The following STARD9 variants were observed in gnomAD, a reference collection of about 807,000 sequenced individuals.
STARD9 encodes the protein StAR related lipid transfer domain containing 9, also known as stAR-related lipid transfer protein 9.
A neutral mutation model predicts 399.8 loss-of-function variants in STARD9; 346 were observed. The observed-to-expected ratio is 0.87, with a 90% CI of 0.79 to 0.95. STARD9 has a LOEUF of 0.95. Among genes scored for constraint, STARD9 ranks in the 40% least tolerant of loss-of-function variants. STARD9 has a pLI of 0.00. For missense variants in STARD9, 5,832 were observed against 5,667.5 expected, an observed-to-expected ratio of 1.03 and a Z score of -0.93; for synonymous variants, 2,203 against 2,143.5, an observed-to-expected ratio of 1.03 and a Z score of -0.77.
intron 2 of STARD9, among the ~76,000 whole-genome samples, chr15:42,584,301 G>A (rs2058230134): frequency 6.6e-6 from 1 of 152,060 alleles, no homozygotes; most frequent in South Asian, 2.1e-4. Flanking sequence ...AAAACAATGG[G>A]GACCTACCAG....
rs1264901508 is a variant in STARD9, at chr15:42,691,696, C to T, written c.10118C>T (p.Ala3373Val). ...LRGYSSGKSV[A>V]RTSLQAEDSN... ...GGCTATTCCTCAGGAAAGTCAGTGG[C>T]AAGAACATCTCTGCAGGCTGAGGAC... The change falls in exon 23 of 33, where the codon GCA becomes GTA. Residue 3373 changes from alanine to valine, a missense_variant. This residue lies in a region of STARD9 where 5,828 missense variants were observed against 5,651.1 expected (regional missense o/e 1.03). Transcript: ENST00000290607. 3.3e-6 allele frequency: 5 copies of T among 1,537,156 alleles called. No individual in the cohort carries two copies. The highest frequency in any genetic ancestry group is 2.0e-5 in the Admixed American group (1 of 50,988).
intron 26 of STARD9, among the ~76,000 whole-genome samples, chr15:42,697,583 A>G (rs1389535723): frequency 6.6e-6 from 1 of 152,214 alleles, no homozygotes; most frequent in Non-Finnish European, 1.5e-5. Flanking sequence ...AAACGTTTTG[A>G]GCACTGTGAC....
At chr15:42,675,529 T>C in intron 18 of STARD9, 135 bp from the exon 19 acceptor site, 1 of 646,996 alleles carries the variant, frequency 1.5e-6, no homozygotes, top group South Asian at 1.8e-5. Context: ...GCAGAATTAA[T>C]ATGTATCTTA....
intron 9 of STARD9, among the ~76,000 whole-genome samples, chr15:42,660,070 C>A (rs2059963405): frequency 6.6e-6 from 1 of 152,092 alleles, no homozygotes; most frequent in South Asian, 2.1e-4. Flanking sequence ...ATGGATAAAT[C>A]TCAAAATAAT....
intron 13 of STARD9, 32 bp downstream of exon 13, chr15:42,663,949 T>TCAACAAGTCCCTTGTGACTCTAGG: frequency 7.3e-7 from 1 of 1,366,182 alleles, no homozygotes. Flanking sequence ...TGGTCTGGTA[T>TCAACAAGTCCCTTGTGACTCTAGG]AGTTTACACA....
Position 42,588,776 on chromosome 15 carries a change from GTTTTTTTTTTTTTTTTTTT to G in STARD9, c.234+3160_234+3178del, listed in dbSNP as rs758570571. 7.8e-3 allele frequency among the ~76,000 whole-genome samples: 298 copies of G among 38,362 alleles called. 23 individuals are homozygous for G. Among genetic ancestry groups the G allele is most frequent in the Middle Eastern group, 0.04 (2 of 50 alleles). 25.2% of individuals were successfully genotyped at this position (38,362 alleles called of 152,430 possible). On this transcript the variant is annotated intron_variant, in intron 3 of 32. Coordinates refer to ENST00000290607, the MANE Select transcript of STARD9 (RefSeq NM_020759.3). ...TAACCCAGTTTATCCTCTTCACAGC[GTTTTTTTTTTTTTTTTTTT>G]TTTTTTTTTTTTTTTTTTTTGGAGT...
intron 3 of STARD9, among the ~76,000 whole-genome samples, chr15:42,616,151 C>T (rs965137535): frequency 6.6e-6 from 1 of 151,898 alleles, no homozygotes; most frequent in African/African-American, 2.4e-5. Flanking sequence ...GTGGGTGAAA[C>T]TTGTGCAAAT....
At chr15:42,665,741 G>T (rs1038727475) in intron 14 of STARD9, 45 bp from the exon 15 acceptor site, 2 of 1,513,272 alleles carry the variant, frequency 1.3e-6, no homozygotes, top group African/African-American at 2.8e-5. Context: ...CCTACCTGAA[G>T]TTCAGACCAG....
At chr15:42,578,106 A>AT (rs57016102) in intron 1 of STARD9, among the ~76,000 whole-genome samples, 19 of 134,114 alleles carry the variant, frequency 1.4e-4, no homozygotes, top group South Asian at 2.3e-4. Flanking sequence ...TTGACGCTCA[A>AT]TTTTTTTTTT....
intron 32 of STARD9, 129 bp downstream of exon 32, chr15:42,719,039 G>GA: frequency 1.3e-6 from 1 of 780,908 alleles, no homozygotes; most frequent in Non-Finnish European, 2.0e-6. Flanking sequence ...CTGGAGACTT[G>GA]AGGGCTTCCT....
chr15:42,577,400 G>A (rs1327759483), intron 1 of STARD9, among the ~76,000 whole-genome samples: 2 of 152,144 alleles, frequency 1.3e-5, no homozygotes, highest in East Asian at 3.9e-4. Context: ...TGATCTGCCC[G>A]CCTGGGCCTC....
intron 22 of STARD9, among the ~76,000 whole-genome samples, chr15:42,683,716 CTTGTTTTATTTGTAATCATTATTT>C (rs1221302911): frequency 1.3e-5 from 2 of 152,092 alleles, no homozygotes; most frequent in African/African-American, 4.8e-5. Context: ...AATCATTCTT[CTTGTTTTATTTGTAATCATTATTT>C]TTATTTCTTT....
chr15:42,632,507 C>G, intron 3 of STARD9, among the ~76,000 whole-genome samples: 1 of 152,258 alleles, frequency 6.6e-6, no homozygotes, highest in East Asian at 1.9e-4. Context: ...TTTCTTCCCT[C>G]TTTCTTTTCT....
rs2060590432 is a variant in STARD9 at position 42,687,541 on chromosome 15, A to G, written c.5963A>G (p.Lys1988Arg). Residue 1988 changes from lysine (K) to arginine (R), a missense_variant, in exon 23 of 33, where the codon AAA (lysine) becomes AGA (arginine). By Grantham distance (26) the Lys-to-Arg change is conservative (BLOSUM62 2). Around this residue, in one of 2 missense-constraint regions of STARD9, gnomAD observed 5,828 missense variants for 5,651.1 expected, o/e 1.03. Coordinates refer to ENST00000290607, the MANE Select transcript of STARD9 (RefSeq NM_020759.3). ...TGLLEKGLRPKDSSEEFKLPG... is the reference protein window; with the variant it reads ...TGLLEKGLRPRDSSEEFKLPG... ...CTTCTTGAAAAAGGTCTTCGTCCCA[A>G]AGATAGCTCAGAAGAGTTTAAGCTT... The G allele has an allele frequency of 6.5e-7, 1 of 1,537,064 alleles. No homozygotes were observed. Among genetic ancestry groups the G allele is most frequent in the Non-Finnish European group, 8.7e-7 (1 of 1,146,890 alleles).
rs1238709455 is a variant in STARD9 at position 42,676,866 on chromosome 15, G to C, written c.1874+891G>C. On this transcript the variant is annotated intron_variant, in intron 20 of 32. Transcript: ENST00000290607. The stretch of plus-strand genomic sequence containing the variant: ...GTAGTTTCTTCAGAAGGATCCAGCA[G>C]TTCTTTCCTCAGGCCAGCAGCATTT... 2.6e-5 allele frequency among the ~76,000 whole-genome samples: 4 copies of C among 152,066 alleles called. No homozygotes were observed. In the East Asian group the frequency reaches 7.7e-4, roughly 29 times the overall value.
At chr15:42,715,402 G>A (rs1289825263) in intron 26 of STARD9, among the ~76,000 whole-genome samples, 5 of 152,140 alleles carry the variant, frequency 3.3e-5, no homozygotes, top group South Asian at 4.1e-4. Flanking sequence ...GAGAGAAGCC[G>A]GGCACAGGGG....
Position 42,695,787 on chromosome 15 carries a change from C to T in STARD9, c.13191C>T (p.Cys4397=), listed in dbSNP as rs1483600176. ...LHTLANSSSL[C]TSSNGSLSSG... is the part of the protein sequence containing the mutation. ...CCTTGGCCAATTCCAGCTCCCTGTG[C>T]ACCAGCTCTAATGGAAGCCTCTCGT... is the stretch of plus-strand genomic sequence containing the variant. Residue 4397 remains cysteine, a synonymous_variant, in exon 26 of 33, where the codon TGC becomes TGT. Transcript: ENST00000290607. 2.6e-6 allele frequency: 4 copies of T among 1,537,248 alleles called. No individual in the cohort carries two copies. The highest frequency in any genetic ancestry group is 2.4e-5 in the East Asian group (1 of 40,924).
Position 42,685,635 on chromosome 15 carries a change from A to G in STARD9, c.4057A>G (p.Ile1353Val). 6.5e-7 allele frequency: 1 copy of G among 1,537,272 alleles called. No homozygotes were observed. The highest frequency in any genetic ancestry group is 2.0e-5 in the Admixed American group (1 of 51,008). Residue 1353 changes from isoleucine to valine, a missense_variant, in exon 23 of 33, where the codon ATA becomes GTA. This residue lies in a region of STARD9 where 5,828 missense variants were observed against 5,651.1 expected (regional missense o/e 1.03). Coordinates refer to ENST00000290607, the MANE Select transcript of STARD9 (RefSeq NM_020759.3). ...GATCAACCCCAGCAGCCCCCCAGGA[A>G]TAGTGGGTTCTTTATGTCCAAGTCC... ...SKINPSSPPG[I>V]VGSLCPSPDM...
chr15:42,612,990 G>GAA lies in STARD9; in HGVS notation c.235-21847_235-21846dup, dbSNP rs60332578. Among the ~76,000 whole-genome samples the GAA allele has an allele frequency of 6.1e-3, 727 of 119,086 alleles. 10 individuals carry two copies. Among genetic ancestry groups the GAA allele is most frequent in the Middle Eastern group, 0.022 (5 of 226 alleles). 78.1% of individuals were successfully genotyped at this position (119,086 alleles called of 152,430 possible). On this transcript the variant is annotated intron_variant, in intron 3 of 32. Coordinates refer to ENST00000290607, the MANE Select transcript of STARD9 (RefSeq NM_020759.3). The stretch of plus-strand genomic sequence containing the variant: ...CAGAGCGAGACTATGTCTCAGAGGG[G>GAA]AAAAAAAAAAAAAAAAAAAAGAGCA...
Sources: gnomAD v4.1 joint callset for allele counts (sites outside exome capture counted in the v4.1 genomes callset) on GRCh38, gnomAD v4.1.1 for gene constraint, gnomAD v4.1.1 regional missense constraint, MANE v1.5 for transcripts, NCBI Gene and HGNC (gene_info 2026-07-23, HGNC 2026-07-21) for gene names.